Variants in OXGR1 observed in about 807,000 individuals in gnomAD.
The protein encoded by OXGR1 is 2-oxoglutarate receptor 1.
OXGR1 carries 10 observed loss-of-function variants against 10.0 expected under a neutral mutation model. The observed-to-expected ratio is 1.00, with a 90% CI of 0.62 to 1.70. The LOEUF (loss-of-function observed/expected upper bound fraction) is 1.70, where lower values mean the gene tolerates loss of function less well. Among genes scored for constraint, OXGR1 ranks in the 40% most tolerant of loss-of-function variants. The pLI, the probability that OXGR1 is intolerant of heterozygous loss-of-function variation, is 0.00. For missense variants in OXGR1, 398 were observed against 407.6 expected (o/e 0.98, Z 0.20); for synonymous variants, 191 against 155.9 (o/e 1.22, Z -1.68).
At chr13:96,993,870 G>A (rs548145961) in intron 1 of OXGR1, among the ~76,000 whole-genome samples, 2 of 152,236 alleles carry the variant, frequency 1.3e-5, no homozygotes, top group African/African-American at 4.8e-5. Context: ...CCACCACGAT[G>A]CAGGGTGAGC....
intron 2 of OXGR1, among the ~76,000 whole-genome samples, chr13:96,990,010 C>T (rs1424482951): frequency 6.6e-6 from 1 of 152,162 alleles, no homozygotes; most frequent in African/African-American, 2.4e-5. Flanking sequence ...TTAACCTATG[C>T]CCATCCTCCT....
chr13:96,986,875 G>A lies in OXGR1; in HGVS notation c.885C>T (p.Thr295=), dbSNP rs1041572057. 3 of 1,614,054 alleles carry A rather than the reference G, an allele frequency of 1.9e-6. No homozygotes were observed. In the African/African-American group the frequency reaches 4.0e-5, roughly 22 times the overall value. The change falls in exon 4 of 4, where the codon ACC becomes ACT. Residue 295 remains threonine (T), a synonymous_variant. Transcript: ENST00000541038. ...CCACATATAGTAACAGGTTACCAAA[G>A]GTGTTCAGAGCAGCTAATGGTCTAG... ...IVSRPLAALN[T]FGNLLLYVVV...
Position 96,987,870 on chromosome 13 carries a change from A to G in OXGR1, c.-74-37T>C, listed in dbSNP as rs186149178. ...AAACAGAAAACATTAATGATAGGGT[A>G]ATAAAAACAAGGATCTACTTTTAAA... is the stretch of plus-strand genomic sequence containing the variant. On this transcript the variant is annotated intron_variant, in intron 3 of 3. Coordinates refer to ENST00000541038, the MANE Select transcript of OXGR1 (RefSeq NM_001346194.2). 1.2e-5 allele frequency: 16 copies of G among 1,388,050 alleles called. No individual in the cohort carries two copies. In the Admixed American group the frequency reaches 2.0e-4, roughly 17 times the overall value. The allele number at this position is 1,388,050 out of a possible 1,614,324, so 86.0% of individuals were successfully genotyped here.
At chr13:96,989,961 C>T (rs1478865133) in intron 2 of OXGR1, among the ~76,000 whole-genome samples, 152 bp from the exon 3 acceptor site, 11 of 152,182 alleles carry the variant, frequency 7.2e-5, no homozygotes, top group South Asian at 2.1e-4. Flanking sequence ...CAGATGCTCA[C>T]GTCACTGATA....
intron 2 of OXGR1, among the ~76,000 whole-genome samples, 163 bp from the exon 3 acceptor site, chr13:96,989,972 T>C (rs1881972638): frequency 6.6e-6 from 1 of 152,150 alleles, no homozygotes; most frequent in Admixed American, 6.6e-5. Context: ...GTCACTGATA[T>C]AAAAATAAAA....
chr13:96,988,145 G>C (rs190941851), intron 3 of OXGR1, among the ~76,000 whole-genome samples: 106 of 152,332 alleles, frequency 7.0e-4, no homozygotes, highest in Middle Eastern at 3.4e-3. Flanking sequence ...ATCGCCATTA[G>C]AGACTTAACA....
intron 2 of OXGR1, among the ~76,000 whole-genome samples, chr13:96,991,419 G>A (rs557653922): frequency 1.2e-4 from 19 of 152,252 alleles, no homozygotes; most frequent in African/African-American, 4.6e-4. Context: ...GACAAATGTG[G>A]CACAACCCTG....
intron 1 of OXGR1, 46 bp from the exon 2 acceptor site, chr13:96,992,618 G>A (rs765588301): frequency 5.9e-5 from 9 of 152,166 alleles, no homozygotes; most frequent in Non-Finnish European, 1.2e-4. Flanking sequence ...CAGTTAAGTG[G>A]CAGCAGATAC....
Position 96,986,453 on chromosome 13 carries a change from T to G in OXGR1, c.*293A>C, listed in dbSNP as rs1389619366. 1.9e-5 allele frequency: 6 copies of G among 320,388 alleles called. No homozygotes were observed. 19.8% of individuals were successfully genotyped at this position (320,388 alleles called of 1,614,324 possible). A position where few individuals can be genotyped will look rare whatever the true frequency, so the allele number is the denominator to read the frequency against. On this transcript the variant is annotated 3_prime_UTR_variant, in exon 4 of 4. Coordinates refer to ENST00000541038, the MANE Select transcript of OXGR1 (RefSeq NM_001346194.2). ...TAAGAAATTGGTTTCCGTGTATATA[T>G]AGTAAGTTGGTGGGAACAGATGTTC...
chr13:96,985,945 T>C lies in OXGR1; in HGVS notation c.*801A>G, dbSNP rs1051839890. ...TATTTTCCCACAAAAATCAAAACAG[T>C]GTTAGATATGATTGAACACCCAATA... On this transcript the variant is annotated 3_prime_UTR_variant, in exon 4 of 4. Coordinates refer to ENST00000541038, the MANE Select transcript of OXGR1 (RefSeq NM_001346194.2). 6.6e-5 allele frequency: 10 copies of C among 152,168 alleles called. No individual in the cohort carries two copies. The highest frequency in any genetic ancestry group is 2.6e-4 in the Admixed American group (4 of 15,286). 9.4% of individuals were successfully genotyped at this position (152,168 alleles called of 1,614,324 possible). A position where few individuals can be genotyped will look rare whatever the true frequency, so the allele number is the denominator to read the frequency against.
At position 96,986,539 on chromosome 13, in the gene OXGR1, A is replaced by G. The variant is rs1881746265; in HGVS notation, c.*207T>C. ...CTATGTCTGAATACTTTGCTGATAT[A>G]CATGCATCCCATTCTTATATCTCCC... On this transcript the variant is annotated 3_prime_UTR_variant, in exon 4 of 4. Coordinates refer to ENST00000541038, the MANE Select transcript of OXGR1 (RefSeq NM_001346194.2). The G allele has an allele frequency of 1.8e-6, 1 of 568,708 alleles. No individual in the cohort carries two copies. Among genetic ancestry groups the G allele is most frequent in the African/African-American group, 1.9e-5 (1 of 53,248 alleles). 35.2% of individuals were successfully genotyped at this position (568,708 alleles called of 1,614,324 possible).
At chr13:96,991,838 A>G (rs1315576609) in intron 2 of OXGR1, among the ~76,000 whole-genome samples, 1 of 152,236 alleles carries the variant, frequency 6.6e-6, no homozygotes, top group Non-Finnish European at 1.5e-5. Context: ...CTAAGTGTCC[A>G]TCCACAGATG....
In OXGR1 at chr13:96,987,062, C is replaced by T; in HGVS notation, c.698G>A (p.Ser233Asn). ...HTLTHGLQTD[S>N]CLKQKARRLT... ...CCTTCGTGCTTTCTGCTTAAGGCAG[C>T]TGTCAGTTTGCAGTCCATGGGTCAG... Residue 233 changes from serine to asparagine, a missense_variant, in exon 4 of 4, where the codon AGC (serine) becomes AAC (asparagine). Physicochemically the swap from Ser to Asn is conservative, Grantham distance 46. Coordinates refer to ENST00000541038, the MANE Select transcript of OXGR1 (RefSeq NM_001346194.2). 1 of 1,614,208 alleles carries T rather than the reference C, an allele frequency of 6.2e-7. No homozygotes were observed. Among genetic ancestry groups the T allele is most frequent in the Non-Finnish European group, 8.5e-7 (1 of 1,180,026 alleles).
Position 96,987,715 on chromosome 13 carries a change from G to A in OXGR1, c.45C>T (p.Pro15=), listed in dbSNP as rs764092403. The A allele has an allele frequency of 5.6e-6, 9 of 1,609,448 alleles. No individual in the cohort carries two copies. The highest frequency in any genetic ancestry group is 5.0e-5 in the Admixed American group (3 of 59,624). The part of the protein sequence containing the change: ...LDYLANASDF[P]DYAAAFGNCT... ...AATTTCCAAAAGCAGCTGCATAATCGGGGAAATCAGAAGCATTTGCTAAAT... is the reference window on the plus strand; with the variant it reads ...AATTTCCAAAAGCAGCTGCATAATCAGGGAAATCAGAAGCATTTGCTAAAT... Residue 15 remains proline (P), a synonymous_variant, in exon 4 of 4, where the codon CCC becomes CCT. Coordinates refer to ENST00000541038, the MANE Select transcript of OXGR1 (RefSeq NM_001346194.2).
intron 1 of OXGR1, among the ~76,000 whole-genome samples, chr13:96,993,105 G>A (rs566854434): frequency 6.6e-6 from 1 of 152,252 alleles, no homozygotes; most frequent in South Asian, 2.1e-4. Flanking sequence ...TTTGTGACTG[G>A]GTAAGTGCTG....
chr13:96,988,633 G>A (rs1343973274), intron 3 of OXGR1, among the ~76,000 whole-genome samples: 1 of 152,100 alleles, frequency 6.6e-6, no homozygotes, highest in Admixed American at 6.5e-5. Flanking sequence ...GGTATAATGC[G>A]GCCATTAGGA....
At chr13:96,993,668 T>C (rs1882170941) in intron 1 of OXGR1, among the ~76,000 whole-genome samples, 1 of 152,160 alleles carries the variant, frequency 6.6e-6, no homozygotes, top group South Asian at 2.1e-4. Context: ...TTCAGAAAAA[T>C]GCATGCATGG....
At position 96,987,479 on chromosome 13, in the gene OXGR1, G is replaced by A. The variant is rs751904130; in HGVS notation, c.281C>T (p.Ala94Val). 4.3e-6 allele frequency: 7 copies of A among 1,614,094 alleles called. No individual in the cohort carries two copies. The Admixed American group carries it at 8.3e-5, about 19-fold the overall frequency. ...TSLPFLIHYY[A>V]SGENWIFGDF... is the part of the protein sequence containing the mutation. Reference sequence around the variant, plus strand: ...TCCAAAGATCCAGTTTTCGCCACTGGCATAGTAGTGAATCAGGAAGGGGAG... The same window carrying A: ...TCCAAAGATCCAGTTTTCGCCACTGACATAGTAGTGAATCAGGAAGGGGAG... The change falls in exon 4 of 4, where the codon GCC becomes GTC. Residue 94 changes from alanine (A) to valine (V), a missense_variant. Physicochemically the swap from Ala to Val is moderately conservative, Grantham distance 64. Coordinates refer to ENST00000541038, the MANE Select transcript of OXGR1 (RefSeq NM_001346194.2).
intron 2 of OXGR1, among the ~76,000 whole-genome samples, chr13:96,990,480 G>T (rs548413178): frequency 6.6e-6 from 1 of 152,288 alleles, no homozygotes; most frequent in South Asian, 2.1e-4. Flanking sequence ...TTATTTGTCA[G>T]CTCCTTGAAA....
Sources: allele counts gnomAD v4.1 joint callset (sites outside exome capture counted in the v4.1 genomes callset), GRCh38; gene constraint gnomAD v4.1.1; transcripts MANE v1.5; gene names NCBI Gene and HGNC (gene_info 2026-07-23, HGNC 2026-07-21).